Variants in CLNK observed in about 807,000 individuals in gnomAD.
CLNK encodes cytokine dependent hematopoietic cell linker.
A neutral mutation model predicts 68.6 loss-of-function variants in CLNK; 74 were observed. That is an observed-to-expected ratio of 1.08 (90% CI 0.89 to 1.31). The LOEUF is 1.31. Among genes scored for constraint, CLNK ranks in the 50% most tolerant of loss-of-function variants. The pLI is 0.00. For missense variants in CLNK, 553 were observed against 515.3 expected, an observed-to-expected ratio of 1.07 and a Z score of -0.71; for synonymous variants, 198 against 172.2, an observed-to-expected ratio of 1.15 and a Z score of -1.17.
chr4:10,562,313 G>A (rs891572775), intron 7 of CLNK, among the ~76,000 whole-genome samples: 1 of 152,062 alleles, frequency 6.6e-6, no homozygotes, highest in Non-Finnish European at 1.5e-5. Context: ...GGCTCAGAGA[G>A]GTTGAGTAAC....
intron 8 of CLNK, among the ~76,000 whole-genome samples, chr4:10,554,268 C>T (rs1560214012): frequency 6.6e-6 from 1 of 152,152 alleles, no homozygotes; most frequent in Non-Finnish European, 1.5e-5. Flanking sequence ...GCGTGTATTT[C>T]AAGTCATTTT....
chr4:10,570,537 A>G (rs1352782077), intron 5 of CLNK, among the ~76,000 whole-genome samples: 2 of 152,160 alleles, frequency 1.3e-5, no homozygotes, highest in Non-Finnish European at 2.9e-5. Context: ...TGAACCTTTT[A>G]ATTTTTACAA....
intron 4 of CLNK, among the ~76,000 whole-genome samples, chr4:10,573,841 A>T (rs765608476): frequency 2.0e-4 from 31 of 152,202 alleles, no homozygotes; most frequent in Non-Finnish European, 4.4e-4. Flanking sequence ...CTGTGGGTAC[A>T]GACCCTGCCT....
At chr4:10,587,618 G>A (rs1180123089) in intron 3 of CLNK, among the ~76,000 whole-genome samples, 6 of 152,220 alleles carry the variant, frequency 3.9e-5, no homozygotes, top group African/African-American at 1.4e-4. Flanking sequence ...TCTACAAGTT[G>A]AGTCTGACTT....
chr4:10,583,525 T>A lies in CLNK; in HGVS notation c.112+1402A>T, dbSNP rs1276827977. On this transcript the variant is annotated intron_variant, in intron 4 of 18. Coordinates refer to ENST00000226951, the MANE Select transcript of CLNK (RefSeq NM_052964.4). ...TTGTCTCAAACTCCTGACCTTGTGATCCGCCTGCTTTGGCCTCCCAAAGTG... is the reference window on the plus strand; with the variant it reads ...TTGTCTCAAACTCCTGACCTTGTGAACCGCCTGCTTTGGCCTCCCAAAGTG... Among the ~76,000 whole-genome samples, 280 of 152,262 alleles carry A rather than the reference T, an allele frequency of 1.8e-3. 1 individual carries two copies. The highest frequency in any genetic ancestry group is 6.5e-3 in the African/African-American group (268 of 41,550).
intron 2 of CLNK, among the ~76,000 whole-genome samples, chr4:10,610,485 C>T (rs1389514130): frequency 1.3e-5 from 2 of 151,990 alleles, no homozygotes; most frequent in African/African-American, 4.8e-5. Context: ...CTTTTTCCCC[C>T]CTCTTCTTTT....
At chr4:10,592,595 A>G (rs953947284) in intron 3 of CLNK, among the ~76,000 whole-genome samples, 1 of 151,594 alleles carries the variant, frequency 6.6e-6, no homozygotes, top group Non-Finnish European at 1.5e-5. Context: ...GATCAACAGC[A>G]TCCTAGGGTT....
At chr4:10,522,848 G>A (rs1386902817) in intron 14 of CLNK, among the ~76,000 whole-genome samples, 1 of 152,210 alleles carries the variant, frequency 6.6e-6, no homozygotes, top group Non-Finnish European at 1.5e-5. Flanking sequence ...TCGTTCTCAG[G>A]AAAGGCTCTG....
At position 10,579,909 on chromosome 4, in the gene CLNK, C is replaced by T. The variant is rs188683726; in HGVS notation, c.112+5018G>A. 3.5e-3 allele frequency among the ~76,000 whole-genome samples: 527 copies of T among 152,292 alleles called. 2 individuals carry two copies. Among genetic ancestry groups the T allele is most frequent in the African/African-American group, 0.012 (507 of 41,566 alleles). On this transcript the variant is annotated intron_variant, in intron 4 of 18. Coordinates refer to ENST00000226951, the MANE Select transcript of CLNK (RefSeq NM_052964.4). ...AATGACATGCCTGGTCAAACCAATC[C>T]CCTAAACCCTATGCAAATCAGGCAC...
At chr4:10,630,805 G>T (rs573109318) in intron 2 of CLNK, among the ~76,000 whole-genome samples, 5 of 152,264 alleles carry the variant, frequency 3.3e-5, no homozygotes, top group African/African-American at 9.6e-5. Context: ...ACTGTGCTAG[G>T]TAGGCACCAC....
intron 18 of CLNK, among the ~76,000 whole-genome samples, chr4:10,492,327 C>T (rs1055120874): frequency 1.3e-5 from 2 of 152,108 alleles, no homozygotes; most frequent in Admixed American, 6.6e-5. Flanking sequence ...GAAAGGGAGC[C>T]GTGTGGGGGC....
intron 14 of CLNK, chr4:10,524,005 C>G (rs2109050724): frequency 4.0e-6 from 1 of 251,660 alleles, no homozygotes; most frequent in South Asian, 3.8e-5. Flanking sequence ...AGAATAAAAC[C>G]CTGTCTCAAA....
intron 15 of CLNK, 40 bp downstream of exon 15, chr4:10,520,751 G>A (rs1175760215): frequency 1.3e-6 from 2 of 1,513,644 alleles, no homozygotes; most frequent in East Asian, 2.3e-5. Flanking sequence ...ACAGTATCGT[G>A]ACTTACCTGT....
chr4:10,549,379 C>T (rs570869866), intron 8 of CLNK, among the ~76,000 whole-genome samples: 1 of 152,204 alleles, frequency 6.6e-6, no homozygotes, highest in Admixed American at 6.5e-5. Flanking sequence ...ATTTGGGGGC[C>T]TTATTTAATA....
chr4:10,591,176 A>G (rs759415317), intron 3 of CLNK, among the ~76,000 whole-genome samples: 1 of 152,192 alleles, frequency 6.6e-6, no homozygotes, highest in Non-Finnish European at 1.5e-5. Flanking sequence ...GCAAGAGTAA[A>G]GGATGCTTAG....
intron 3 of CLNK, among the ~76,000 whole-genome samples, chr4:10,589,048 T>C (rs1380948707): frequency 2.0e-5 from 3 of 152,198 alleles, no homozygotes; most frequent in South Asian, 2.1e-4. Flanking sequence ...TACTATATCA[T>C]ATAATTGAAT....
intron 3 of CLNK, among the ~76,000 whole-genome samples, chr4:10,596,569 G>A (rs542272634): frequency 7.9e-4 from 120 of 152,290 alleles, no homozygotes; most frequent in African/African-American, 2.5e-3. Flanking sequence ...ACACAAATTT[G>A]TAGTTTTCAG....
chr4:10,603,648 G>A (rs1560237477), intron 2 of CLNK, among the ~76,000 whole-genome samples: 1 of 152,206 alleles, frequency 6.6e-6, no homozygotes, highest in Non-Finnish European at 1.5e-5. Context: ...GGGCTGTGAT[G>A]CAGTTGCAAC....
At chr4:10,637,777 T>G (rs1723152865) in intron 2 of CLNK, among the ~76,000 whole-genome samples, 2 of 145,360 alleles carry the variant, frequency 1.4e-5, no homozygotes, top group South Asian at 4.4e-4. Context: ...TTTTTTTTTG[T>G]AGTTTTAGTA....
Sources: gnomAD v4.1 joint callset for allele counts (sites outside exome capture counted in the v4.1 genomes callset) on GRCh38, gnomAD v4.1.1 for gene constraint, MANE v1.5 for transcripts, NCBI Gene and HGNC (gene_info 2026-07-23, HGNC 2026-07-21) for gene names.